IL1RAPL2: variants seen among roughly 807,000 people sequenced by gnomAD.
The protein encoded by IL1RAPL2 is interleukin 1 receptor accessory protein like 2, also known as X-linked interleukin-1 receptor accessory protein-like 2.
IL1RAPL2 carries 3 observed loss-of-function variants against 44.1 expected under a neutral mutation model. The ratio of observed to expected loss-of-function variants is 0.07; its 90% confidence interval spans 0.03 to 0.18. IL1RAPL2 has a LOEUF of 0.18. IL1RAPL2 is among the 10% of genes least tolerant of loss of function. The pLI is 1.00. For synonymous variants in IL1RAPL2, 181 were observed against 178.8 expected (o/e 1.01, Z -0.10); for missense variants, 391 against 496.4 (o/e 0.79, Z 2.02).
At chrX:105,456,766 C>A (rs1467461071) in intron 5 of IL1RAPL2, among the ~76,000 whole-genome samples, 1 of 110,574 alleles carries the variant, frequency 9.0e-6, no homozygotes, top group Admixed American at 9.7e-5. Context: ...TATTTATATT[C>A]TGTTCTTTGT....
intron 6 of IL1RAPL2, among the ~76,000 whole-genome samples, chrX:105,505,539 A>G (rs1045768933): frequency 1.8e-5 from 2 of 111,314 alleles, no homozygotes; most frequent in African/African-American, 6.5e-5. Flanking sequence ...TCAATTAGGC[A>G]GAATAGCATA....
intron 2 of IL1RAPL2, among the ~76,000 whole-genome samples, chrX:104,970,795 G>A (rs910582216): frequency 1.9e-4 from 21 of 111,739 alleles, no homozygotes; most frequent in African/African-American, 6.2e-4. Context: ...AAAGTGCAGA[G>A]GTACATCTTT....
At chrX:104,895,542 C>A (rs1310864969) in intron 2 of IL1RAPL2, among the ~76,000 whole-genome samples, 1 of 112,686 alleles carries the variant, frequency 8.9e-6, no homozygotes, top group Non-Finnish European at 1.9e-5. Flanking sequence ...GACTGCTGTG[C>A]TAGCAATGAG....
At chrX:104,796,191 A>T (rs138495906) in intron 2 of IL1RAPL2, among the ~76,000 whole-genome samples, 1 of 112,580 alleles carries the variant, frequency 8.9e-6, no homozygotes, top group Non-Finnish European at 1.9e-5. Flanking sequence ...GTGTAACTAC[A>T]TCTGCCCTAG....
At chrX:105,251,919 G>T (rs1279655327) in intron 4 of IL1RAPL2, among the ~76,000 whole-genome samples, 1 of 110,823 alleles carries the variant, frequency 9.0e-6, no homozygotes, top group South Asian at 3.8e-4. Flanking sequence ...CTAATTTAAG[G>T]CTGAGGTTTT....
intron 6 of IL1RAPL2, among the ~76,000 whole-genome samples, chrX:105,583,629 A>C (rs1050034617): frequency 6.3e-5 from 7 of 111,701 alleles, no homozygotes; most frequent in African/African-American, 2.3e-4. Context: ...TTCTTGTTTC[A>C]TATAAATCAT....
At chrX:104,755,368 C>T (rs1343654619) in intron 2 of IL1RAPL2, among the ~76,000 whole-genome samples, 2 of 108,739 alleles carry the variant, frequency 1.8e-5, no homozygotes, top group African/African-American at 6.7e-5. Flanking sequence ...ATGACAGAGT[C>T]AAAATGTGAA....
intron 2 of IL1RAPL2, among the ~76,000 whole-genome samples, chrX:104,985,855 C>T (rs12839397): frequency 5.4e-3 from 606 of 112,059 alleles, no homozygotes; most frequent in Non-Finnish European, 6.8e-3. Flanking sequence ...TACAAACTAC[C>T]GAGTTATGTG....
At chrX:105,433,774 C>T (rs1370949194) in intron 5 of IL1RAPL2, among the ~76,000 whole-genome samples, 1 of 111,221 alleles carries the variant, frequency 9.0e-6, no homozygotes, top group Non-Finnish European at 1.9e-5. Context: ...TGTTCATACT[C>T]ACCTTCTACC....
intron 2 of IL1RAPL2, among the ~76,000 whole-genome samples, chrX:105,039,606 G>A: frequency 8.9e-6 from 1 of 111,767 alleles, no homozygotes; most frequent in Middle Eastern, 4.6e-3. Flanking sequence ...CACGTCCCTT[G>A]TAAGGTGGAT....
chrX:105,302,428 T>A (rs1323082168), intron 5 of IL1RAPL2, among the ~76,000 whole-genome samples: 2 of 111,820 alleles, frequency 1.8e-5, no homozygotes, highest in Non-Finnish European at 3.8e-5. Context: ...TGCTGATTAC[T>A]CAGGGCCCAA....
At chrX:104,663,652 T>A (rs1226828958) in intron 2 of IL1RAPL2, among the ~76,000 whole-genome samples, 1 of 108,232 alleles carries the variant, frequency 9.2e-6, no homozygotes, top group Admixed American at 1.0e-4. Flanking sequence ...TAGGGTGACT[T>A]CTCTGGAGGA....
intron 2 of IL1RAPL2, among the ~76,000 whole-genome samples, chrX:105,174,622 T>C (rs1313049796): frequency 8.9e-6 from 1 of 111,805 alleles, no homozygotes; most frequent in Non-Finnish European, 1.9e-5. Context: ...AGAGCCATAT[T>C]GAATGATTAA....
At position 105,688,882 on chromosome X, in the gene IL1RAPL2, C is replaced by A. The variant is rs190217435; in HGVS notation, c.773-28485C>A. 5.1e-3 allele frequency among the ~76,000 whole-genome samples: 562 copies of A among 111,261 alleles called. 3 individuals carry two copies. The highest frequency in any genetic ancestry group is 0.014 in the African/African-American group (427 of 30,602). On this transcript the variant is annotated intron_variant, in intron 6 of 10. Transcript: ENST00000372582. ...ACTGGTACCAAAACAGATTTATAGA[C>A]CAGTGGAGCAGAACAGAGGCCTCAG...
At chrX:104,904,827 AT>A (rs201062471) in intron 2 of IL1RAPL2, among the ~76,000 whole-genome samples, 6,215 of 110,040 alleles carry the variant, frequency 0.056, 456 homozygotes, top group African/African-American at 0.2. Context: ...CAGTAATGGG[AT>A]GGCTGTGTCA....
In IL1RAPL2 at chrX:105,687,548, T is replaced by G. The variant is rs144449712; in HGVS notation, c.773-29819T>G. ...ACAAGGAAGAATTTGCATCTCTGAA[T>G]AGACCAATAATAGGCTCAGAAATTG... On this transcript the variant is annotated intron_variant, in intron 6 of 10. Coordinates refer to ENST00000372582, the MANE Select transcript of IL1RAPL2 (RefSeq NM_017416.2). Among the ~76,000 whole-genome samples, 416 of 111,740 alleles carry G rather than the reference T, an allele frequency of 3.7e-3. 4 individuals are homozygous for G. Among genetic ancestry groups the G allele is most frequent in the African/African-American group, 0.013 (396 of 30,750 alleles).
chrX:104,783,632 CTG>C (rs1932784955), intron 2 of IL1RAPL2, among the ~76,000 whole-genome samples: 1 of 109,594 alleles, frequency 9.1e-6, no homozygotes, highest in Non-Finnish European at 1.9e-5. Flanking sequence ...TGGCTTAAAT[CTG>C]TTTTTATTGC....
chrX:105,532,000 G>GT (rs1484491913), intron 6 of IL1RAPL2, among the ~76,000 whole-genome samples: 1 of 111,730 alleles, frequency 9.0e-6, no homozygotes, highest in Non-Finnish European at 1.9e-5. Flanking sequence ...GATTCCTCCA[G>GT]TTTTTTGAAA....
chrX:104,850,841 G>A (rs998000182), intron 2 of IL1RAPL2, among the ~76,000 whole-genome samples: 8 of 111,218 alleles, frequency 7.2e-5, no homozygotes, highest in Non-Finnish European at 1.5e-4. Context: ...CTCTATAGTT[G>A]GTTGTAGTTT....
Sources: gnomAD v4.1 joint callset for allele counts (sites outside exome capture counted in the v4.1 genomes callset) on GRCh38, gnomAD v4.1.1 for gene constraint, MANE v1.5 for transcripts, NCBI Gene and HGNC (gene_info 2026-07-23, HGNC 2026-07-21) for gene names.